FRMD3: variants seen among roughly 807,000 people sequenced by gnomAD.
FRMD3 encodes the protein FERM domain containing 3.
FRMD3 carries 33 observed loss-of-function variants against 70.2 expected under a neutral mutation model. The observed-to-expected ratio is 0.47, with a 90% CI of 0.36 to 0.63. The LOEUF is 0.63. FRMD3 is among the 20% of genes least tolerant of loss of function. The probability of loss-of-function intolerance (pLI) is 0.00; values close to 1 mark genes in which losing one functional copy is unlikely to be tolerated. For missense variants in FRMD3, 632 were observed against 711.4 expected (o/e 0.89, Z 1.27); for synonymous variants, 279 against 255.9 (o/e 1.09, Z -0.86).
chr9:83,318,845 C>G (rs1372632773), intron 6 of FRMD3, among the ~76,000 whole-genome samples: 1 of 152,226 alleles, frequency 6.6e-6, no homozygotes, highest in African/African-American at 2.4e-5. Flanking sequence ...GTCTTTCTGA[C>G]TGGTGTAAGA....
chr9:83,331,497 A>ATGGTAT (rs1836267557), intron 6 of FRMD3, among the ~76,000 whole-genome samples: 1 of 152,164 alleles, frequency 6.6e-6, no homozygotes, highest in East Asian at 1.9e-4. Flanking sequence ...TGATACTATA[A>ATGGTAT]TGGTATTGGT....
chr9:83,433,258 G>A (rs1037853083), intron 1 of FRMD3, among the ~76,000 whole-genome samples: 8 of 152,190 alleles, frequency 5.3e-5, no homozygotes, highest in African/African-American at 1.9e-4. Context: ...CTTAGTTCAT[G>A]ATATTAATAA....
chr9:83,398,977 A>G (rs1027355830), intron 1 of FRMD3, among the ~76,000 whole-genome samples: 2 of 152,192 alleles, frequency 1.3e-5, no homozygotes, highest in African/African-American at 2.4e-5. Context: ...GCCAGGCCCA[A>G]TGGTAGAGAA....
In FRMD3 at chr9:83,507,691, C is replaced by CATATATATATATATAT. The variant is rs34251863; in HGVS notation, c.147+30378_147+30393dup. The stretch of plus-strand genomic sequence containing the variant: ...TCTCAAACAAAAAAAAATATACATA[C>CATATATATATATATAT]ATATATATATATATATATATATATA... On this transcript the variant is annotated intron_variant, in intron 1 of 13. Transcript: ENST00000304195. Among the ~76,000 whole-genome samples, 10 of 49,236 alleles carry CATATATATATATATAT rather than the reference C, an allele frequency of 2.0e-4. 1 individual carries two copies. Among genetic ancestry groups the CATATATATATATATAT allele is most frequent in the East Asian group, 6.4e-4 (1 of 1,560 alleles). 32.3% of individuals were successfully genotyped at this position (49,236 alleles called of 152,430 possible). A position where few individuals can be genotyped will look rare whatever the true frequency, so the allele number is the denominator to read the frequency against.
rs1835378088 is a variant in FRMD3, at chr9:83,311,991, A to G, written c.685-16T>C. ...CTGTTGAATCCTGAAAAAAAAAAAA[A>G]AGAAAAAAGAAAAATCTGTTTAGAT... On this transcript the variant is annotated splice_polypyrimidine_tract_variant and intron_variant, in intron 7 of 13. Transcript: ENST00000304195. 1 of 1,530,166 alleles carries G rather than the reference A, an allele frequency of 6.5e-7. No individual in the cohort carries two copies. Among genetic ancestry groups the G allele is most frequent in the East Asian group, 2.3e-5 (1 of 44,298 alleles). 94.8% of individuals were successfully genotyped at this position (1,530,166 alleles called of 1,614,324 possible). A position where few individuals can be genotyped will look rare whatever the true frequency, so the allele number is the denominator to read the frequency against.
At chr9:83,559,393 A>C in the FRMD3 span, among the ~76,000 whole-genome samples, 10 of 152,236 alleles carry the variant, frequency 6.6e-5, no homozygotes, top group Admixed American at 6.5e-4. Flanking sequence ...GTTATTGTAC[A>C]TTTAATAGAC....
chr9:83,304,653 G>A (rs1835055196), intron 10 of FRMD3, among the ~76,000 whole-genome samples: 1 of 152,218 alleles, frequency 6.6e-6, no homozygotes, highest in South Asian at 2.1e-4. Context: ...GGAACACAGT[G>A]TCATACAGCC....
intron 1 of FRMD3, among the ~76,000 whole-genome samples, chr9:83,499,925 G>T (rs994732776): frequency 9.2e-5 from 14 of 151,946 alleles, no homozygotes; most frequent in African/African-American, 3.4e-4. Context: ...GCAATAAAAA[G>T]AAATGAGTTA....
In FRMD3 at chr9:83,538,360, C is replaced by G. The variant is rs1467376108; in HGVS notation, c.-129G>C. 1.2e-6 allele frequency: 1 copy of G among 809,190 alleles called. No individual in the cohort carries two copies. The highest frequency in any genetic ancestry group is 1.8e-5 in the African/African-American group (1 of 55,728). 50.1% of individuals were successfully genotyped at this position (809,190 alleles called of 1,614,324 possible). A position where few individuals can be genotyped will look rare whatever the true frequency, so the allele number is the denominator to read the frequency against. On this transcript the variant is annotated 5_prime_UTR_variant, in exon 1 of 14. Coordinates refer to ENST00000304195, the MANE Select transcript of FRMD3 (RefSeq NM_174938.6). This position sits in a 1 kb window ranked among gnomAD's most constrained non-coding sequence, Gnocchi z 4.7. ...CTCAGCCCCGGGACATCGGCAGCGT[C>G]GGGCGCCTGCGGACACACATGCCCA...
chr9:83,508,804 C>T (rs559709717), intron 1 of FRMD3, among the ~76,000 whole-genome samples: 3 of 152,346 alleles, frequency 2.0e-5, no homozygotes, highest in Admixed American at 2.0e-4. Context: ...CATACGGCCA[C>T]ACTTGTTCCT....
chr9:83,272,540 G>A (rs1023782447), intron 13 of FRMD3, among the ~76,000 whole-genome samples: 13 of 152,184 alleles, frequency 8.5e-5, no homozygotes, highest in African/African-American at 2.9e-4. Context: ...CCTCTGGGAA[G>A]TGAGGAGCAT....
intron 13 of FRMD3, among the ~76,000 whole-genome samples, chr9:83,258,604 G>A (rs1832835870): frequency 6.6e-6 from 1 of 152,220 alleles, no homozygotes; most frequent in South Asian, 2.1e-4. Flanking sequence ...GCACTTTGGG[G>A]ACAATATGGT....
chr9:83,310,577 G>GA, intron 8 of FRMD3, 29 bp from the exon 9 acceptor site: 1 of 1,558,786 alleles, frequency 6.4e-7, no homozygotes, highest in Admixed American at 2.1e-5. Flanking sequence ...TGGGTAAGAA[G>GA]AAAAAAAGTG....
intron 1 of FRMD3, among the ~76,000 whole-genome samples, chr9:83,407,863 C>CTCATCTT (rs1178048405): frequency 1.7e-5 from 2 of 119,520 alleles, no homozygotes; most frequent in African/African-American, 8.8e-5. Flanking sequence ...CTCTCTCTCT[C>CTCATCTT]TCTCTCTCTC....
At chr9:83,326,659 G>A (rs766137049) in intron 6 of FRMD3, among the ~76,000 whole-genome samples, 44 of 152,092 alleles carry the variant, frequency 2.9e-4, no homozygotes, top group Non-Finnish European at 3.4e-4. Context: ...TTTTTTCCTT[G>A]AATCTCCCAC....
chr9:83,490,792 TCTCTCTCACACA>T lies in FRMD3; in HGVS notation c.147+47281_147+47292del, dbSNP rs1438341982. 6.2e-3 allele frequency among the ~76,000 whole-genome samples: 742 copies of T among 119,362 alleles called. 7 individuals carry two copies. Among genetic ancestry groups the T allele is most frequent in the African/African-American group, 0.027 (708 of 26,156 alleles). The allele number at this position is 119,362 out of a possible 152,430, so 78.3% of individuals were successfully genotyped here. A position where few individuals can be genotyped will look rare whatever the true frequency, so the allele number is the denominator to read the frequency against. On this transcript the variant is annotated intron_variant, in intron 1 of 13. Transcript: ENST00000304195. ...CTCTCTCTCTCTCTCTCTCTCTCTC[TCTCTCTCACACA>T]CACACACACACACACACACACACAC...
At chr9:83,550,835 G>C in the FRMD3 span, among the ~76,000 whole-genome samples, 1 of 151,776 alleles carries the variant, frequency 6.6e-6, no homozygotes, top group African/African-American at 2.4e-5. Flanking sequence ...TTGTATCCTG[G>C]AATTTTGCTG....
At chr9:83,575,275 G>C in the FRMD3 span, among the ~76,000 whole-genome samples, 1 of 152,182 alleles carries the variant, frequency 6.6e-6, no homozygotes, top group South Asian at 2.1e-4. Context: ...TAATGAACTA[G>C]AACGAGGGGT....
chr9:83,523,035 GT>G (rs1243107195), intron 1 of FRMD3, among the ~76,000 whole-genome samples: 1 of 152,086 alleles, frequency 6.6e-6, no homozygotes, highest in Non-Finnish European at 1.5e-5. Flanking sequence ...TTATGTGTCT[GT>G]CTGTCTTTTC....
Sources: gnomAD v4.1 joint callset for allele counts (sites outside exome capture counted in the v4.1 genomes callset) on GRCh38, gnomAD v4.1.1 for gene constraint, Gnocchi (gnomAD v3.1) non-coding constraint, MANE v1.5 for transcripts, NCBI Gene and HGNC (gene_info 2026-07-23, HGNC 2026-07-21) for gene names.